VPS13C: variants seen among roughly 807,000 people sequenced by gnomAD.
VPS13C encodes the protein vacuolar protein sorting 13 homolog C.
Under a neutral mutation model 456.8 loss-of-function variants are expected in VPS13C, and 358 were observed. The ratio of observed to expected loss-of-function variants is 0.78; its 90% CI spans 0.72 to 0.86. The LOEUF (loss-of-function observed/expected upper bound fraction) is 0.86. VPS13C is among the 40% of genes least tolerant of loss of function. The probability of loss-of-function intolerance (pLI) is 0.00; values close to 1 mark genes in which losing one functional copy is unlikely to be tolerated. For synonymous variants in VPS13C, 1,578 were observed against 1,486.7 expected, an observed-to-expected ratio of 1.06 and a Z score of -1.41; for missense variants, 4,818 against 4,385.4, an observed-to-expected ratio of 1.10 and a Z score of -2.79.
At chr15:61,927,984 C>T (rs7180572) in intron 51 of VPS13C, among the ~76,000 whole-genome samples, 150,319 of 150,390 alleles carry the variant, frequency 1, 75,124 homozygotes, top group Middle Eastern at 1. Context: ...TAGGTGGGAA[C>T]TGAACAATGA....
At chr15:61,888,166 T>C (rs1023710998) in intron 67 of VPS13C, among the ~76,000 whole-genome samples, 70 of 152,150 alleles carry the variant, frequency 4.6e-4, no homozygotes, top group African/African-American at 1.7e-3. Context: ...CTTATTAAAA[T>C]AGCTAAAATC....
chr15:61,981,422 G>C lies in VPS13C; in HGVS notation c.2086C>G (p.Pro696Ala), dbSNP rs1408533978. The change falls in exon 22 of 85, where the codon CCT (proline) becomes GCT (alanine). Residue 696 changes from proline (P) to alanine (A), a missense_variant. Transcript: ENST00000644861. The stretch of plus-strand genomic sequence containing the variant: ...GTCTGTGGAACTACTAGATAAGAAG[G>C]CTTCAGATTTATCCTTAAATCAAGG... ...KVLDLRINLK[P>A]SYLVVPQTGF... 1.2e-6 allele frequency: 2 copies of C among 1,612,014 alleles called. No homozygotes were observed. Among genetic ancestry groups the C allele is most frequent in the Non-Finnish European group, 1.7e-6 (2 of 1,179,318 alleles).
chr15:61,978,460 G>A (rs2045776748), intron 23 of VPS13C, among the ~76,000 whole-genome samples, 166 bp downstream of exon 23: 1 of 152,126 alleles, frequency 6.6e-6, no homozygotes, highest in African/African-American at 2.4e-5. Flanking sequence ...TATAAATGTT[G>A]TAGTAATTTA....
intron 24 of VPS13C, among the ~76,000 whole-genome samples, chr15:61,974,640 T>C: frequency 6.6e-6 from 1 of 152,172 alleles, no homozygotes; most frequent in East Asian, 1.9e-4. Context: ...GCCAAATCTC[T>C]TTAACTTAAC....
Position 61,995,052 on chromosome 15 carries a change from T to C in VPS13C, c.1354-3250A>G, listed in dbSNP as rs115120747. On this transcript the variant is annotated intron_variant, in intron 16 of 84. Transcript: ENST00000644861. ...TATCTGCTCTGCTTACAGCAAAGAATCATACTGTTCCTACTCACTGTCTCC... is the reference window on the plus strand; with the variant it reads ...TATCTGCTCTGCTTACAGCAAAGAACCATACTGTTCCTACTCACTGTCTCC... Among the ~76,000 whole-genome samples the C allele has an allele frequency of 2.9e-3, 438 of 152,338 alleles. 4 individuals are homozygous for C. The highest frequency in any genetic ancestry group is 0.01 in the Middle Eastern group (3 of 294).
intron 53 of VPS13C, among the ~76,000 whole-genome samples, chr15:61,925,248 TA>T (rs1237316973): frequency 4.6e-5 from 7 of 152,020 alleles, no homozygotes; most frequent in African/African-American, 1.4e-4. Flanking sequence ...TTGTAGATAT[TA>T]AAAAGTACTC....
Position 61,927,235 on chromosome 15 carries a change from A to G in VPS13C, c.6372T>C (p.Asp2124=), listed in dbSNP as rs982944216. 1.2e-6 allele frequency: 2 copies of G among 1,614,110 alleles called. No homozygotes were observed. Among genetic ancestry groups the G allele is most frequent in the African/African-American group, 2.7e-5 (2 of 74,944 alleles). Residue 2124 remains aspartate, a synonymous_variant, in exon 52 of 85, where the codon GAT becomes GAC. Coordinates refer to ENST00000644861, the MANE Select transcript of VPS13C (RefSeq NM_020821.3). ...GAAACGAGGCTGTCAGAGCAGGAGCATCAGCCTTTGTCAGGCTGGCAACAA... is the reference window on the plus strand; with the variant it reads ...GAAACGAGGCTGTCAGAGCAGGAGCGTCAGCCTTTGTCAGGCTGGCAACAA... ...VVFVASLTKA[D]APALTASFQC...
chr15:62,056,548 G>T (rs1042968934), intron 1 of VPS13C, among the ~76,000 whole-genome samples: 2 of 152,152 alleles, frequency 1.3e-5, no homozygotes, highest in East Asian at 1.9e-4. Flanking sequence ...AAAAACACCC[G>T]CGACTTAGCA....
At chr15:61,886,664 G>C (rs1443598925) in intron 67 of VPS13C, among the ~76,000 whole-genome samples, 1 of 152,024 alleles carries the variant, frequency 6.6e-6, no homozygotes, top group African/African-American at 2.4e-5. Context: ...ACAAAAACAG[G>C]CATTGGGTTA....
rs746478293 is a variant in VPS13C at position 61,921,977 on chromosome 15, C to T, written c.7032G>A (p.Glu2344=). Residue 2344 remains glutamate (E), a synonymous_variant, in exon 55 of 85, where the codon GAG becomes GAA. Transcript: ENST00000644861. ...AVWEPLIERV[E]GKRQWNLRLD... ...GCCTTAAATTCCATTGTCTCTTCCCCTCCACTCTCTCAATCAGTGGCTCCC... is the reference window on the plus strand; with the variant it reads ...GCCTTAAATTCCATTGTCTCTTCCCTTCCACTCTCTCAATCAGTGGCTCCC... The T allele has an allele frequency of 1.9e-6, 3 of 1,613,552 alleles. No homozygotes were observed. The highest frequency in any genetic ancestry group is 2.2e-5 in the East Asian group (1 of 44,836).
intron 63 of VPS13C, 25 bp downstream of exon 63, chr15:61,911,815 C>A: frequency 6.5e-7 from 1 of 1,541,200 alleles, no homozygotes; most frequent in East Asian, 2.3e-5. Context: ...TTTTAGGAAT[C>A]AGTTGTAACA....
At position 61,876,968 on chromosome 15, in the gene VPS13C, A is replaced by G. The variant is rs1035864890; in HGVS notation, c.10224+5T>C. ...TCCTTATGAAATACTATGATAGGAA[A>G]TTACCTGTTCACTGTAATGCCTAAC... On this transcript the variant is annotated splice_donor_5th_base_variant and intron_variant, in intron 75 of 84. Transcript: ENST00000644861. The G allele has an allele frequency of 1.3e-6, 2 of 1,592,194 alleles. No individual in the cohort carries two copies. The highest frequency in any genetic ancestry group is 1.7e-6 in the Non-Finnish European group (2 of 1,166,254).
At chr15:61,998,809 G>A (rs1319169323) in intron 16 of VPS13C, among the ~76,000 whole-genome samples, 1 of 152,102 alleles carries the variant, frequency 6.6e-6, no homozygotes, top group Non-Finnish European at 1.5e-5. Flanking sequence ...TTCTGCCTCT[G>A]CTACCCCTGA....
intron 53 of VPS13C, among the ~76,000 whole-genome samples, chr15:61,924,880 T>C (rs2043792645): frequency 6.6e-6 from 1 of 152,190 alleles, no homozygotes; most frequent in Non-Finnish European, 1.5e-5. Flanking sequence ...GAAAGTATTC[T>C]ATATCTTCTA....
At chr15:61,910,775 G>C (rs1416280291) in intron 63 of VPS13C, among the ~76,000 whole-genome samples, 1 of 152,076 alleles carries the variant, frequency 6.6e-6, no homozygotes, top group Non-Finnish European at 1.5e-5. Flanking sequence ...CATCCTCCTA[G>C]TTGTTTGATA....
At chr15:61,901,996 G>T (rs1228598348) in intron 66 of VPS13C, among the ~76,000 whole-genome samples, 1 of 151,472 alleles carries the variant, frequency 6.6e-6, no homozygotes, top group African/African-American at 2.4e-5. Context: ...ATCATTCTCA[G>T]CAAACTATCA....
At chr15:61,970,859 TA>T (rs71125959) in intron 27 of VPS13C, among the ~76,000 whole-genome samples, 9,603 of 125,798 alleles carry the variant, frequency 0.076, 558 homozygotes, top group African/African-American at 0.18. Flanking sequence ...GAAGTTAGTT[TA>T]AAAAAAAAAA....
chr15:62,014,072 A>T (rs2047142534), intron 9 of VPS13C, 80 bp from the exon 10 acceptor site: 2 of 997,984 alleles, frequency 2.0e-6, no homozygotes, highest in Non-Finnish European at 3.0e-6. Context: ...AATGTAACAA[A>T]ATAATTTAGG....
Position 61,952,082 on chromosome 15 carries a change from C to G in VPS13C, c.4300-102G>C, listed in dbSNP as rs17238252. 0.44 allele frequency: 588,972 copies of G among 1,343,128 alleles called. 130,838 individuals are homozygous for G. Among genetic ancestry groups the G allele is most frequent in the Middle Eastern group, 0.56 (2,763 of 4,914 alleles). The allele number at this position is 1,343,128 out of a possible 1,614,324, so 83.2% of individuals were successfully genotyped here. ...TCCAGAGTGATATAAGGAAGAAATT[C>G]ACACAATGTTAAGATGTGTACTTCT... is the stretch of plus-strand genomic sequence containing the variant. On this transcript the variant is annotated intron_variant, in intron 38 of 84. Coordinates refer to ENST00000644861, the MANE Select transcript of VPS13C (RefSeq NM_020821.3).
Sources: allele counts gnomAD v4.1 joint callset (sites outside exome capture counted in the v4.1 genomes callset), GRCh38; gene constraint gnomAD v4.1.1; transcripts MANE v1.5; gene names NCBI Gene and HGNC (gene_info 2026-07-23, HGNC 2026-07-21).